Variants in ANKHD1 observed in about 807,000 individuals in gnomAD.
ANKHD1 encodes the protein ankyrin repeat and KH domain containing 1, also known as ankyrin repeat and KH domain-containing protein 1.
ANKHD1 carries 31 observed loss-of-function variants against 230.5 expected under a neutral mutation model. The ratio of observed to expected loss-of-function variants is 0.13; its 90% CI spans 0.10 to 0.18. ANKHD1 has a LOEUF of 0.18. Ranked by LOEUF, ANKHD1 falls within the 10% of genes least tolerant of loss-of-function variation. The pLI is 1.00. For missense variants in ANKHD1, 2,256 were observed against 3,071.3 expected (o/e 0.73, Z 6.27); for synonymous variants, 1,074 against 1,117.6 (o/e 0.96, Z 0.78).
chr5:140,496,484 G>C, intron 14 of ANKHD1, 36 bp from the exon 15 acceptor site: 2 of 507,762 alleles, frequency 3.9e-6, no homozygotes, highest in Non-Finnish European at 5.5e-6. Flanking sequence ...TTTTTTTTTA[G>C]CATGGCACTC....
intron 23 of ANKHD1, 59 bp downstream of exon 23, chr5:140,512,982 TG>T (rs1752833089): frequency 6.8e-7 from 1 of 1,467,632 alleles, no homozygotes; most frequent in Admixed American, 2.3e-5. Flanking sequence ...TATGCCAAAG[TG>T]TGCAGTTAGG....
At chr5:140,433,048 C>T (rs974079214) in intron 1 of ANKHD1, among the ~76,000 whole-genome samples, 2 of 149,964 alleles carry the variant, frequency 1.3e-5, no homozygotes, top group African/African-American at 2.5e-5. Context: ...CCAAGCCCCA[C>T]CCCCTTCCCC....
chr5:140,506,469 C>T lies in ANKHD1; in HGVS notation c.3409-366C>T, dbSNP rs1752539542. On this transcript the variant is annotated intron_variant, in intron 18 of 33. Coordinates refer to ENST00000360839, the MANE Select transcript of ANKHD1 (RefSeq NM_017747.3). This position sits in a 1 kb window ranked among gnomAD's most constrained non-coding sequence, Gnocchi z 4.7. The stretch of plus-strand genomic sequence containing the variant: ...AGCCACCATGCCTGGCCATAAATCC[C>T]CTTTTAAAAAATCTGTTTCTTGCCC... Among the ~76,000 whole-genome samples the T allele has an allele frequency of 6.6e-6, 1 of 152,038 alleles. No homozygotes were observed. Among genetic ancestry groups the T allele is most frequent in the Admixed American group, 6.6e-5 (1 of 15,258 alleles).
chr5:140,518,447 C>T (rs1426420606), intron 24 of ANKHD1, among the ~76,000 whole-genome samples: 1 of 151,464 alleles, frequency 6.6e-6, no homozygotes, highest in Non-Finnish European at 1.5e-5. Context: ...ATGAGGCCAG[C>T]ATCATCCTGA....
intron 13 of ANKHD1, 34 bp from the exon 14 acceptor site, chr5:140,486,924 T>C: frequency 6.2e-7 from 1 of 1,601,116 alleles, no homozygotes. Flanking sequence ...TATTCTTTGG[T>C]CTGAGATGAT....
chr5:140,491,578 G>C (rs1285954464), intron 14 of ANKHD1, among the ~76,000 whole-genome samples: 1 of 152,004 alleles, frequency 6.6e-6, no homozygotes, highest in Non-Finnish European at 1.5e-5. Flanking sequence ...TCTCTAGATT[G>C]TTTCTACCTA....
rs1449227897 is a variant in ANKHD1, at chr5:140,401,874, C to G, written c.-94C>G. ...CGCTGCTGGGACGGGGGAAAGGAGA[C>G]GCTTCTTCCTCTTGCTGCTCTTCTC... is the stretch of plus-strand genomic sequence containing the variant. On this transcript the variant is annotated 5_prime_UTR_variant, in exon 1 of 34. Transcript: ENST00000360839. 4 of 1,455,036 alleles carry G rather than the reference C, an allele frequency of 2.7e-6. No homozygotes were observed. The highest frequency in any genetic ancestry group is 1.5e-5 in the African/African-American group (1 of 67,238). The allele number at this position is 1,455,036 out of a possible 1,614,324, so 90.1% of individuals were successfully genotyped here. A position where few individuals can be genotyped will look rare whatever the true frequency, so the allele number is the denominator to read the frequency against.
chr5:140,537,692 T>A, intron 31 of ANKHD1, 103 bp downstream of exon 31: 1 of 1,430,034 alleles, frequency 7.0e-7, no homozygotes. Context: ...AAAACTTAGT[T>A]CCTATGTTTA....
chr5:140,419,802 C>CT (rs1209879226), intron 1 of ANKHD1, among the ~76,000 whole-genome samples: 1 of 88,858 alleles, frequency 1.1e-5, no homozygotes, highest in African/African-American at 3.6e-5. Context: ...TTCTTTCTTT[C>CT]TTTCTTTCTT....
At chr5:140,514,147 G>A (rs888095747) in intron 24 of ANKHD1, among the ~76,000 whole-genome samples, 73 of 148,530 alleles carry the variant, frequency 4.9e-4, no homozygotes, top group African/African-American at 1.6e-3. Context: ...ATTACACACT[G>A]CAGTCCAGCC....
intron 28 of ANKHD1, 50 bp from the exon 29 acceptor site, chr5:140,528,134 T>C (rs764617405): frequency 1.3e-6 from 2 of 1,539,132 alleles, no homozygotes; most frequent in South Asian, 2.6e-5. Context: ...TTACCTTTTT[T>C]TTTTTTTTTA....
intron 7 of ANKHD1, among the ~76,000 whole-genome samples, chr5:140,457,369 A>T (rs1775278726): frequency 1.3e-5 from 2 of 152,246 alleles, no homozygotes; most frequent in Admixed American, 1.3e-4. Context: ...TACCCAAAGG[A>T]TTATAAATCA....
At chr5:140,466,542 G>A (rs1776102664) in intron 10 of ANKHD1, among the ~76,000 whole-genome samples, 1 of 152,030 alleles carries the variant, frequency 6.6e-6, no homozygotes, top group Admixed American at 6.6e-5. Flanking sequence ...TCTGGAATTA[G>A]TTAAAATAGA....
chr5:140,522,709 G>A (rs763437874), intron 24 of ANKHD1, among the ~76,000 whole-genome samples: 4 of 152,136 alleles, frequency 2.6e-5, no homozygotes, highest in Non-Finnish European at 5.9e-5. Flanking sequence ...TCATATGCTA[G>A]TTCTGTGTTT....
chr5:140,521,831 TAGTC>T (rs1485022995), intron 24 of ANKHD1, among the ~76,000 whole-genome samples: 7 of 151,902 alleles, frequency 4.6e-5, no homozygotes, highest in Non-Finnish European at 7.4e-5. Context: ...GTACAAAAAT[TAGTC>T]AGGCATGGTG....
chr5:140,418,958 T>C (rs1389811250), intron 1 of ANKHD1, among the ~76,000 whole-genome samples: 1 of 152,180 alleles, frequency 6.6e-6, no homozygotes, highest in Non-Finnish European at 1.5e-5. Context: ...CTCGAACTCC[T>C]GGCCTCTAGT....
chr5:140,465,160 A>G (rs1160929382), intron 10 of ANKHD1: 2 of 155,160 alleles, frequency 1.3e-5, no homozygotes, highest in East Asian at 3.7e-4. Flanking sequence ...ATAATTGAAC[A>G]TATTAATGGG....
rs372432343 is a variant in ANKHD1 at position 140,401,919 on chromosome 5, G to A, written c.-49G>A. On this transcript the variant is annotated 5_prime_UTR_variant, in exon 1 of 34. Transcript: ENST00000360839. ...CTTCTCGTTCCCGAGATCAGCGGCG[G>A]CGGTGACCGCGAGTGGGTCGGCACC... The A allele has an allele frequency of 3.3e-6, 5 of 1,525,180 alleles. No homozygotes were observed. Among genetic ancestry groups the A allele is most frequent in the African/African-American group, 1.4e-5 (1 of 69,008 alleles). 94.5% of individuals were successfully genotyped at this position (1,525,180 alleles called of 1,614,324 possible).
At chr5:140,449,539 G>A (rs1047488555) in intron 7 of ANKHD1, among the ~76,000 whole-genome samples, 7 of 152,016 alleles carry the variant, frequency 4.6e-5, no homozygotes, top group Non-Finnish European at 1.0e-4. Context: ...GCGGGTGCCT[G>A]TAGTCCCAGC....
Sources: gnomAD v4.1 joint callset for allele counts (sites outside exome capture counted in the v4.1 genomes callset) on GRCh38, gnomAD v4.1.1 for gene constraint, Gnocchi (gnomAD v3.1) non-coding constraint, MANE v1.5 for transcripts, NCBI Gene and HGNC (gene_info 2026-07-23, HGNC 2026-07-21) for gene names.